The following PLXNA2 variants were observed in gnomAD, a reference collection of about 807,000 sequenced individuals.
PLXNA2 encodes plexin-A2.
PLXNA2 carries 91 observed loss-of-function variants against 193.5 expected under a neutral mutation model. That is an observed-to-expected ratio of 0.47 (90% confidence interval 0.40 to 0.56). The LOEUF is 0.56. Among genes scored for constraint, PLXNA2 ranks in the 20% least tolerant of loss-of-function variants. The pLI is 0.00. For missense variants in PLXNA2, 1,995 were observed against 2,503.2 expected, an observed-to-expected ratio of 0.80 and a Z score of 4.33; for synonymous variants, 997 against 1,027.3, an observed-to-expected ratio of 0.97 and a Z score of 0.56.
chr1:208,108,732 G>A (rs1475245910), intron 4 of PLXNA2, among the ~76,000 whole-genome samples: 1 of 152,152 alleles, frequency 6.6e-6, no homozygotes, highest in East Asian at 1.9e-4. Flanking sequence ...TTCCCTCCTG[G>A]AGCCCATGGT....
At chr1:208,186,844 C>G (rs534827974) in intron 3 of PLXNA2, among the ~76,000 whole-genome samples, 1 of 151,096 alleles carries the variant, frequency 6.6e-6, no homozygotes, top group African/African-American at 2.4e-5. Context: ...CTCAGCCTCC[C>G]GAGTAGCTGG....
chr1:208,128,937 C>T (rs538353501), intron 4 of PLXNA2, among the ~76,000 whole-genome samples: 4 of 152,202 alleles, frequency 2.6e-5, no homozygotes, highest in East Asian at 1.9e-4. Flanking sequence ...CCTCGTGATC[C>T]ACCCGCCTCA....
chr1:208,074,314 C>T (rs1666073645), intron 12 of PLXNA2, among the ~76,000 whole-genome samples: 1 of 152,156 alleles, frequency 6.6e-6, no homozygotes. Context: ...ATGGGCTTTC[C>T]AATCCTCTGC....
chr1:208,037,833 C>G (rs1484599631), intron 26 of PLXNA2, among the ~76,000 whole-genome samples: 2 of 151,910 alleles, frequency 1.3e-5, no homozygotes, highest in Non-Finnish European at 2.9e-5. Context: ...GAGCAGGGTT[C>G]ACCAGGAGCC....
intron 22 of PLXNA2, among the ~76,000 whole-genome samples, chr1:208,041,196 A>C (rs954373836): frequency 1.3e-5 from 2 of 152,218 alleles, no homozygotes; most frequent in African/African-American, 4.8e-5. Context: ...GTACTCATAA[A>C]GCAAAGCCAT....
chr1:208,057,551 T>A (rs1345832827), intron 13 of PLXNA2, among the ~76,000 whole-genome samples: 1 of 152,144 alleles, frequency 6.6e-6, no homozygotes, highest in Admixed American at 6.5e-5. Flanking sequence ...TAGGCAGTGG[T>A]GTGTGCACCA....
intron 14 of PLXNA2, 131 bp downstream of exon 14, chr1:208,054,290 A>G: frequency 1.6e-6 from 1 of 617,356 alleles, no homozygotes; most frequent in Admixed American, 2.6e-5. Flanking sequence ...CCTTATCTGG[A>G]GGGTCCTTTT....
chr1:208,033,932 AT>A (rs1259756008), intron 27 of PLXNA2, among the ~76,000 whole-genome samples: 1 of 152,120 alleles, frequency 6.6e-6, no homozygotes, highest in African/African-American at 2.4e-5. Context: ...GGGGTATGGG[AT>A]TTCCTGAGCC....
Position 208,028,806 on chromosome 1 carries a change from GCCTGTC to G in PLXNA2, c.5438+18_5438+23del. On this transcript the variant is annotated intron_variant, in intron 30 of 31. Coordinates refer to ENST00000367033, the MANE Select transcript of PLXNA2 (RefSeq NM_025179.4). The surrounding 1 kb of genome is among the most constrained non-coding windows in gnomAD (Gnocchi z 4.2). Reference sequence around the variant, plus strand: ...AATGGGCAGGGAGACAAGGGCATGGGCCTGTCCTGAGGGTGCTACTGACCTCTCCAC... The same window carrying G: ...AATGGGCAGGGAGACAAGGGCATGGGCTGAGGGTGCTACTGACCTCTCCAC... 2 of 1,601,518 alleles carry G rather than the reference GCCTGTC, an allele frequency of 1.2e-6. No individual in the cohort carries two copies. Among genetic ancestry groups the G allele is most frequent in the Non-Finnish European group, 1.7e-6 (2 of 1,169,908 alleles).
intron 4 of PLXNA2, among the ~76,000 whole-genome samples, chr1:208,110,888 C>T (rs1237591232): frequency 2.6e-5 from 4 of 152,170 alleles, no homozygotes; most frequent in African/African-American, 9.7e-5. Context: ...CTGCTGGACA[C>T]TGCAGGTCAG....
At chr1:208,111,980 A>G (rs1667492065) in intron 4 of PLXNA2, among the ~76,000 whole-genome samples, 1 of 152,322 alleles carries the variant, frequency 6.6e-6, no homozygotes, top group South Asian at 2.1e-4. Context: ...GTCTCCTAAG[A>G]ACTCCTGACT....
At chr1:208,161,643 C>T (rs2102515010) in intron 3 of PLXNA2, among the ~76,000 whole-genome samples, 1 of 152,256 alleles carries the variant, frequency 6.6e-6, no homozygotes, top group Non-Finnish European at 1.5e-5. Context: ...CCTCTCTGAG[C>T]CTCAGCTTCA....
intron 3 of PLXNA2, among the ~76,000 whole-genome samples, chr1:208,155,878 T>G (rs632165): frequency 0.78 from 117,998 of 152,176 alleles, 46,541 homozygotes; most frequent in Middle Eastern, 0.9. Flanking sequence ...GCTGCCTGGG[T>G]CTGGCTGACA....
At chr1:208,196,919 A>C (rs566574248) in intron 3 of PLXNA2, among the ~76,000 whole-genome samples, 1 of 152,236 alleles carries the variant, frequency 6.6e-6, no homozygotes, top group Admixed American at 6.5e-5. Flanking sequence ...GAGGTGAAAG[A>C]AAAAGGGGAA....
In PLXNA2 at chr1:208,148,877, C is replaced by A. The variant is rs185860701; in HGVS notation, c.1372-6414G>T. 2.0e-5 allele frequency among the ~76,000 whole-genome samples: 3 copies of A among 152,290 alleles called. 1 individual carries two copies. The highest frequency in any genetic ancestry group is 2.0e-4 in the Admixed American group (3 of 15,292). ...AAATGCAGGAGTGGAAATGTGGGTT[C>A]TTTGGAAAACGTACAGTGTAATATA... On this transcript the variant is annotated intron_variant, in intron 3 of 31. Coordinates refer to ENST00000367033, the MANE Select transcript of PLXNA2 (RefSeq NM_025179.4).
intron 4 of PLXNA2, among the ~76,000 whole-genome samples, chr1:208,117,156 G>GC (rs1308292187): frequency 6.6e-6 from 1 of 152,132 alleles, no homozygotes; most frequent in Non-Finnish European, 1.5e-5. Context: ...GGATGACAGA[G>GC]CAAGACTCTG....
chr1:208,049,348 A>G (rs1184913745), intron 17 of PLXNA2, among the ~76,000 whole-genome samples: 1 of 145,110 alleles, frequency 6.9e-6, no homozygotes, highest in African/African-American at 2.6e-5. Flanking sequence ...TGAACTTACC[A>G]TTCTTGTTCC....
intron 4 of PLXNA2, among the ~76,000 whole-genome samples, chr1:208,107,242 T>C (rs545235150): frequency 3.3e-5 from 5 of 152,168 alleles, no homozygotes; most frequent in African/African-American, 7.2e-5. Context: ...AGGAAATGGG[T>C]CTTAACAACT....
At chr1:208,238,161 G>T (rs1023049517) in intron 1 of PLXNA2, among the ~76,000 whole-genome samples, 1 of 152,114 alleles carries the variant, frequency 6.6e-6, no homozygotes, top group Non-Finnish European at 1.5e-5. Context: ...CTCTCAAAGC[G>T]TCGGAGAGAA....
Sources: gnomAD v4.1 joint callset for allele counts (sites outside exome capture counted in the v4.1 genomes callset) on GRCh38, gnomAD v4.1.1 for gene constraint, Gnocchi (gnomAD v3.1) non-coding constraint, MANE v1.5 for transcripts, NCBI Gene and HGNC (gene_info 2026-07-23, HGNC 2026-07-21) for gene names.